EHBP1: variants seen among roughly 807,000 people sequenced by gnomAD.
EHBP1 encodes EH domain-binding protein 1.
Under a neutral mutation model 144.0 loss-of-function variants are expected in EHBP1, and 55 were observed. That is an observed-to-expected ratio of 0.38 (90% CI 0.31 to 0.48). The LOEUF (loss-of-function observed/expected upper bound fraction) is 0.48, where lower values mean the gene tolerates loss of function less well. Ranked by LOEUF, EHBP1 falls within the 20% of genes least tolerant of loss-of-function variation. EHBP1 has a pLI of 0.98. For synonymous variants in EHBP1, 469 were observed against 472.7 expected, an observed-to-expected ratio of 0.99 and a Z score of 0.10; for missense variants, 1,200 against 1,364.2, an observed-to-expected ratio of 0.88 and a Z score of 1.90.
chr2:62,844,830 A>C (rs1393220812), intron 7 of EHBP1, among the ~76,000 whole-genome samples: 1 of 152,114 alleles, frequency 6.6e-6, no homozygotes, highest in Admixed American at 6.6e-5. Context: ...GGTCTACCTA[A>C]AATCAGCTGG....
rs551873379 is a variant in EHBP1 at position 62,917,119 on chromosome 2, A to G, written c.1186-25599A>G. Among the ~76,000 whole-genome samples, 5 of 152,288 alleles carry G rather than the reference A, an allele frequency of 3.3e-5. No homozygotes were observed. The South Asian group carries it at 1.0e-3, about 32-fold the overall frequency. ...ACGACTAGGTTATATGATATGGCCT[A>G]TTGCTGTTAGGCTACAAACTTTTAC... On this transcript the variant is annotated intron_variant, in intron 10 of 22. Coordinates refer to ENST00000431489, the MANE Select transcript of EHBP1 (RefSeq NM_001142616.3).
At chr2:62,894,927 A>AGAGAGAGAGAGCG (rs71410972) in intron 10 of EHBP1, among the ~76,000 whole-genome samples, 1 of 141,110 alleles carries the variant, frequency 7.1e-6, no homozygotes, top group African/African-American at 2.7e-5. Flanking sequence ...AACAGAAAGA[A>AGAGAGAGAGAGCG]AGAGAGAGAG....
At chr2:62,857,682 A>G (rs149455575) in intron 7 of EHBP1, among the ~76,000 whole-genome samples, 153 of 152,264 alleles carry the variant, frequency 1.0e-3, no homozygotes, top group African/African-American at 3.4e-3. Flanking sequence ...GAGTAGTCTA[A>G]TTTTCACCCA....
At chr2:62,757,509 C>G (rs2040405557) in intron 3 of EHBP1, among the ~76,000 whole-genome samples, 1 of 148,420 alleles carries the variant, frequency 6.7e-6, no homozygotes, top group Non-Finnish European at 1.5e-5. Flanking sequence ...TCTCGGCGCA[C>G]TGCAACCTCC....
intron 19 of EHBP1, among the ~76,000 whole-genome samples, chr2:63,031,357 G>A (rs903583869): frequency 2.0e-5 from 3 of 152,100 alleles, no homozygotes; most frequent in Non-Finnish European, 4.4e-5. Context: ...ACTAGAGGTC[G>A]CTTAATTGAT....
intron 10 of EHBP1, among the ~76,000 whole-genome samples, chr2:62,881,418 GAAAAAAAAAA>G (rs371288881): frequency 1.4e-5 from 1 of 69,778 alleles, no homozygotes; most frequent in Non-Finnish European, 2.7e-5. Flanking sequence ...AGGAAAAACG[GAAAAAAAAAA>G]AAAAAAAAAA....
At chr2:62,674,202 A>G (rs1222219669) in intron 1 of EHBP1, 11 of 463,240 alleles carry the variant, frequency 2.4e-5, no homozygotes, top group Non-Finnish European at 4.0e-5. Flanking sequence ...ATGTGTGTGT[A>G]TGTGTGTGTG....
At chr2:62,811,090 T>C (rs1236120033) in intron 5 of EHBP1, among the ~76,000 whole-genome samples, 1 of 152,206 alleles carries the variant, frequency 6.6e-6, no homozygotes, top group Non-Finnish European at 1.5e-5. Context: ...AAGCTAGATT[T>C]TATTCTAAAA....
chr2:62,823,822 G>C (rs1047692026), intron 5 of EHBP1, among the ~76,000 whole-genome samples: 2 of 151,990 alleles, frequency 1.3e-5, no homozygotes, highest in Non-Finnish European at 2.9e-5. Context: ...CAAGGACATA[G>C]TATATTAAGG....
chr2:62,751,379 G>C (rs1256421187), intron 3 of EHBP1, among the ~76,000 whole-genome samples: 2 of 152,110 alleles, frequency 1.3e-5, no homozygotes, highest in South Asian at 4.1e-4. Flanking sequence ...TGCTGGATTT[G>C]GTTTGCCAGT....
intron 10 of EHBP1, among the ~76,000 whole-genome samples, chr2:62,902,915 A>G (rs946061515): frequency 5.9e-5 from 9 of 152,242 alleles, no homozygotes; most frequent in African/African-American, 9.6e-5. Flanking sequence ...TTAATTCACA[A>G]CTAAATCTTA....
chr2:62,732,797 C>CA (rs2037741094), intron 2 of EHBP1, among the ~76,000 whole-genome samples: 1 of 152,162 alleles, frequency 6.6e-6, no homozygotes, highest in African/African-American at 2.4e-5. Context: ...GTAATTGTCT[C>CA]ACAGTTTTTG....
intron 14 of EHBP1, among the ~76,000 whole-genome samples, chr2:62,961,850 T>G (rs1328729792): frequency 6.6e-6 from 1 of 151,872 alleles, no homozygotes; most frequent in East Asian, 1.9e-4. Context: ...ACCAACATGG[T>G]GAAACCCATC....
At chr2:62,696,605 C>T (rs1359311901) in intron 1 of EHBP1, among the ~76,000 whole-genome samples, 7 of 148,394 alleles carry the variant, frequency 4.7e-5, no homozygotes, top group Non-Finnish European at 3.0e-5. Flanking sequence ...GCTCCACCTC[C>T]CGGGTTCATG....
chr2:62,948,635 G>A lies in EHBP1; in HGVS notation c.1789G>A (p.Asp597Asn), dbSNP rs764422097. The A allele has an allele frequency of 6.2e-7, 1 of 1,613,962 alleles. No individual in the cohort carries two copies. Among genetic ancestry groups the A allele is most frequent in the Non-Finnish European group, 8.5e-7 (1 of 1,179,972 alleles). The change falls in exon 13 of 23, where the codon GAT (aspartate) becomes AAT (asparagine). Residue 597 changes from aspartate to asparagine, a missense_variant. Physicochemically the swap from Asp to Asn is conservative, Grantham distance 23 (BLOSUM62 1). Transcript: ENST00000431489. ...GTCAGAAAGTGAGCATCAAACTCCT[G>A]ATGATCACCTTAGTCCAAGCACAGC... is the stretch of plus-strand genomic sequence containing the variant. Reference protein sequence around the residue: ...GESESEHQTPDDHLSPSTASP... With the variant: ...GESESEHQTPNDHLSPSTASP...
At chr2:62,882,739 A>C (rs925214253) in intron 10 of EHBP1, among the ~76,000 whole-genome samples, 4 of 152,124 alleles carry the variant, frequency 2.6e-5, no homozygotes, top group Non-Finnish European at 4.4e-5. Flanking sequence ...AAAATTAGCC[A>C]GGTGTGGTGG....
intron 2 of EHBP1, among the ~76,000 whole-genome samples, chr2:62,710,517 T>C (rs988719817): frequency 1.3e-5 from 2 of 150,850 alleles, no homozygotes; most frequent in East Asian, 3.9e-4. Flanking sequence ...TTTTAAAATA[T>C]AATTTTAATT....
At chr2:62,824,794 C>A (rs1007988662) in intron 5 of EHBP1, among the ~76,000 whole-genome samples, 5 of 151,740 alleles carry the variant, frequency 3.3e-5, no homozygotes, top group African/African-American at 1.2e-4. Flanking sequence ...GTAGAAATAT[C>A]AGGGTTTTTT....
At chr2:62,898,663 G>A (rs911915639) in intron 10 of EHBP1, among the ~76,000 whole-genome samples, 2 of 151,982 alleles carry the variant, frequency 1.3e-5, no homozygotes, top group African/African-American at 4.8e-5. Flanking sequence ...TATCCTTAGA[G>A]CCTAGCATTG....
Sources: allele counts gnomAD v4.1 joint callset (sites outside exome capture counted in the v4.1 genomes callset), GRCh38; gene constraint gnomAD v4.1.1; transcripts MANE v1.5; gene names NCBI Gene and HGNC (gene_info 2026-07-23, HGNC 2026-07-21).